The following SPAG16 variants were observed in gnomAD, a reference collection of about 807,000 sequenced individuals.
SPAG16 encodes sperm-associated antigen 16 protein.
In SPAG16, 86 loss-of-function variants were observed where a neutral mutation model predicts 80.4. That is an observed-to-expected ratio of 1.07 (90% CI 0.90 to 1.28). The LOEUF is 1.28. SPAG16 is among the 50% of genes most tolerant of loss of function. The pLI, the probability that SPAG16 is intolerant of heterozygous loss-of-function variation, is 0.00. For synonymous variants in SPAG16, 294 were observed against 265.9 expected, an observed-to-expected ratio of 1.11 and a Z score of -1.03; for missense variants, 870 against 765.3, an observed-to-expected ratio of 1.14 and a Z score of -1.61.
intron 10 of SPAG16, among the ~76,000 whole-genome samples, chr2:213,826,817 C>T (rs1208847976): frequency 6.6e-6 from 1 of 151,920 alleles, no homozygotes; most frequent in Non-Finnish European, 1.5e-5. Context: ...GGAGATCTCT[C>T]TAGTGCTCAA....
At chr2:213,389,589 T>A (rs1376784837) in intron 9 of SPAG16, among the ~76,000 whole-genome samples, 1 of 152,136 alleles carries the variant, frequency 6.6e-6, no homozygotes, top group East Asian at 1.9e-4. Flanking sequence ...AGGACTTTAA[T>A]AACACATTTC....
intron 12 of SPAG16, among the ~76,000 whole-genome samples, chr2:213,961,558 G>T (rs2044422585): frequency 6.8e-6 from 1 of 147,756 alleles, no homozygotes. Flanking sequence ...CCTTTTATCA[G>T]ATTAAGAAAG....
intron 10 of SPAG16, among the ~76,000 whole-genome samples, chr2:213,640,699 G>A (rs2062553113): frequency 6.6e-6 from 1 of 152,200 alleles, no homozygotes; most frequent in South Asian, 2.1e-4. Context: ...TAGTTGTTTA[G>A]TCCACTGTCT....
chr2:214,283,797 GC>G (rs1693144210), intron 15 of SPAG16, among the ~76,000 whole-genome samples: 1 of 152,124 alleles, frequency 6.6e-6, no homozygotes, highest in Non-Finnish European at 1.5e-5. Flanking sequence ...AAGATATTCA[GC>G]CAATTCCTTT....
At chr2:213,603,645 G>A (rs1256431064) in intron 10 of SPAG16, among the ~76,000 whole-genome samples, 2 of 152,094 alleles carry the variant, frequency 1.3e-5, no homozygotes, top group Non-Finnish European at 2.9e-5. Context: ...TATTTGTGTG[G>A]GGAATGAGAT....
chr2:213,748,579 G>A (rs1291514299), intron 10 of SPAG16, among the ~76,000 whole-genome samples: 2 of 152,026 alleles, frequency 1.3e-5, no homozygotes, highest in East Asian at 3.9e-4. Flanking sequence ...TATGTTTACT[G>A]TGTTTATTTT....
chr2:213,295,246 T>C (rs763872858), intron 1 of SPAG16, among the ~76,000 whole-genome samples: 37 of 152,086 alleles, frequency 2.4e-4, no homozygotes, highest in Non-Finnish European at 5.0e-4. Context: ...CTAACAATAA[T>C]AACAACAACA....
intron 11 of SPAG16, among the ~76,000 whole-genome samples, chr2:213,909,367 A>G (rs1301817809): frequency 2.0e-5 from 3 of 152,180 alleles, no homozygotes; most frequent in Non-Finnish European, 4.4e-5. Context: ...ACAGAATTGG[A>G]AAAAACTACT....
In SPAG16 at chr2:213,573,537, A is replaced by G. The variant is rs189375212; in HGVS notation, c.1070+83447A>G. ...TAAACAGTAGCTACTTTTCAATGCT[A>G]AAAGCTCAGCCATTAATTTTCTGCA... is the stretch of plus-strand genomic sequence containing the variant. On this transcript the variant is annotated intron_variant, in intron 10 of 15. Transcript: ENST00000331683. 7.2e-5 allele frequency among the ~76,000 whole-genome samples: 11 copies of G among 152,346 alleles called. 1 individual carries two copies. The highest frequency in any genetic ancestry group is 2.6e-4 in the African/African-American group (11 of 41,580).
intron 13 of SPAG16, among the ~76,000 whole-genome samples, chr2:214,097,574 A>G (rs1038227480): frequency 6.6e-6 from 1 of 151,852 alleles, no homozygotes; most frequent in Non-Finnish European, 1.5e-5. Context: ...AAAAATCTTG[A>G]CCCTTTTGCT....
At chr2:213,964,535 C>A (rs1291664370) in intron 12 of SPAG16, among the ~76,000 whole-genome samples, 1 of 151,992 alleles carries the variant, frequency 6.6e-6, no homozygotes, top group Non-Finnish European at 1.5e-5. Flanking sequence ...TCTGTCAGCA[C>A]TTTGACTATG....
chr2:213,833,854 A>G (rs1228388128), intron 10 of SPAG16, among the ~76,000 whole-genome samples: 1 of 151,520 alleles, frequency 6.6e-6, no homozygotes, highest in Admixed American at 6.6e-5. Context: ...AAAAGGCAAT[A>G]CCTTTTCCTC....
intron 10 of SPAG16, among the ~76,000 whole-genome samples, chr2:213,580,051 C>T (rs151151265): frequency 4.3e-4 from 65 of 152,196 alleles, no homozygotes; most frequent in African/African-American, 1.5e-3. Flanking sequence ...CACCTTCCCC[C>T]CAACTTCGTT....
At chr2:213,586,418 T>C (rs2060475109) in intron 10 of SPAG16, among the ~76,000 whole-genome samples, 1 of 152,218 alleles carries the variant, frequency 6.6e-6, no homozygotes, top group African/African-American at 2.4e-5. Flanking sequence ...ATCCCATTCA[T>C]GACCTAATGA....
At chr2:213,935,562 G>A (rs1463312775) in intron 12 of SPAG16, among the ~76,000 whole-genome samples, 1 of 152,152 alleles carries the variant, frequency 6.6e-6, no homozygotes. Flanking sequence ...TTGCATGGAG[G>A]TAATGCTTGT....
At chr2:213,702,527 G>A (rs1359001596) in intron 10 of SPAG16, among the ~76,000 whole-genome samples, 1 of 152,132 alleles carries the variant, frequency 6.6e-6, no homozygotes, top group Non-Finnish European at 1.5e-5. Context: ...AACGCCGCGA[G>A]GGTCCACAGC....
chr2:213,869,490 C>A (rs972212676), intron 11 of SPAG16, among the ~76,000 whole-genome samples: 2 of 151,366 alleles, frequency 1.3e-5, no homozygotes, highest in Non-Finnish European at 2.9e-5. Context: ...ACATAGTAGA[C>A]TTTTATTAAG....
At chr2:213,909,282 C>T (rs7424311) in intron 11 of SPAG16, among the ~76,000 whole-genome samples, 88,823 of 151,570 alleles carry the variant, frequency 0.59, 27,817 homozygotes, top group South Asian at 0.84. Flanking sequence ...GAATCAATAT[C>T]GTGAAAATGG....
chr2:214,257,386 C>T (rs942164062), intron 15 of SPAG16, among the ~76,000 whole-genome samples: 3 of 151,840 alleles, frequency 2.0e-5, no homozygotes, highest in South Asian at 2.1e-4. Flanking sequence ...TATCCTATTG[C>T]GCTCTTAAGA....
Sources: gnomAD v4.1 joint callset for allele counts (sites outside exome capture counted in the v4.1 genomes callset) on GRCh38, gnomAD v4.1.1 for gene constraint, MANE v1.5 for transcripts, NCBI Gene and HGNC (gene_info 2026-07-23, HGNC 2026-07-21) for gene names.